The following CXCR3 variants were observed in gnomAD, a reference collection of about 807,000 sequenced individuals.
CXCR3 encodes C-X-C chemokine receptor type 3.
For synonymous variants in CXCR3, 136 were observed against 148.0 expected (o/e 0.92, Z 0.59); for missense variants, 239 against 310.2 (o/e 0.77, Z 1.72).
At position 71,618,082 on chromosome X, in the gene CXCR3, C is replaced by A. The variant is rs181068836; in HGVS notation, c.12+356G>T. ...TAGCTTGAGAAGGAATCTTCTTTAT[C>A]CCCTCACCCCCAGCACTATGGACCT... On this transcript the variant is annotated intron_variant, in intron 1 of 1. Transcript: ENST00000373693. Among the ~76,000 whole-genome samples, 305 of 106,109 alleles carry A rather than the reference C, an allele frequency of 2.9e-3. 6 individuals carry two copies. In the Admixed American group the frequency reaches 0.03, roughly 11 times the overall value. The allele number at this position is 106,109 out of a possible 115,157, so 92.1% of individuals were successfully genotyped here. A position where few individuals can be genotyped will look rare whatever the true frequency, so the allele number is the denominator to read the frequency against.
At chrX:71,617,595 G>A (rs1439830979) in intron 1 of CXCR3, 136 bp from the exon 2 acceptor site, 2 of 1,139,345 alleles carry the variant, frequency 1.8e-6, no homozygotes, top group African/African-American at 1.8e-5. Flanking sequence ...TTCCAGGGCC[G>A]TACTTCCTCA....
rs753244136 is a variant in CXCR3 at position 71,617,174 on chromosome X, T to C, written c.298A>G (p.Thr100Ala). The change falls in exon 2 of 2, where the codon ACG (threonine) becomes GCG (alanine). Residue 100 changes from threonine (T) to alanine (A), a missense_variant. Transcript: ENST00000373693. ...AGCGGCAGTGTCAGCACCAGCAGCG[T>C]GTCTGCTACAGCTAGGTGGAGCAGG... ...TFLLHLAVAD[T>A]LLVLTLPLWA... The C allele has an allele frequency of 3.7e-5, 45 of 1,206,075 alleles. No individual in the cohort carries two copies. In the Admixed American group the frequency reaches 9.9e-4, roughly 27 times the overall value.
chrX:71,617,348 G>A lies in CXCR3; in HGVS notation c.124C>T (p.Pro42Ser). The A allele has an allele frequency of 8.3e-7, 1 of 1,211,392 alleles. No individual in the cohort carries two copies. Among genetic ancestry groups the A allele is most frequent in the Non-Finnish European group, 1.1e-6 (1 of 895,330 alleles). ...TTCAGGCTGAAGTCCTGTGGGCAGGGCGGGGAGGTACAGCACGAGTCACTC... is the reference window on the plus strand; with the variant it reads ...TTCAGGCTGAAGTCCTGTGGGCAGGACGGGGAGGTACAGCACGAGTCACTC... Reference protein sequence around the residue: ...NESDSCCTSPPCPQDFSLNFD... With the variant: ...NESDSCCTSPSCPQDFSLNFD... Residue 42 changes from proline to serine, a missense_variant, in exon 2 of 2, where the codon CCC becomes TCC. Transcript: ENST00000373693.
chrX:71,616,206 G>T lies in CXCR3; in HGVS notation c.*159C>A. 1.3e-6 allele frequency: 1 copy of T among 753,400 alleles called. No homozygotes were observed. Among genetic ancestry groups the T allele is most frequent in the Non-Finnish European group, 1.8e-6 (1 of 541,300 alleles). 62.1% of individuals were successfully genotyped at this position (753,400 alleles called of 1,213,427 possible). A position where few individuals can be genotyped will look rare whatever the true frequency, so the allele number is the denominator to read the frequency against. On this transcript the variant is annotated 3_prime_UTR_variant, in exon 2 of 2. Transcript: ENST00000373693. The stretch of plus-strand genomic sequence containing the variant: ...GAGCAGCAATGGTGCAGTCCTCAGA[G>T]CTGGGAGGGTGGCTTCCCGGGAGAC...
In CXCR3 at chrX:71,616,379, A is replaced by C. The variant is rs1237681461; in HGVS notation, c.1093T>G (p.Tyr365Asp). 4.2e-6 allele frequency: 5 copies of C among 1,190,214 alleles called. No individual in the cohort carries two copies. In the African/African-American group the frequency reaches 7.0e-5, roughly 17 times the overall value. Residue 365 changes from tyrosine (Y) to aspartate (D), a missense_variant, in exon 2 of 2, where the codon TAC (tyrosine) becomes GAC (aspartate). Physicochemically the swap from Tyr to Asp is radical, Grantham distance 160. Coordinates refer to ENST00000373693, the MANE Select transcript of CXCR3 (RefSeq NM_001504.2). ...GGATTCCGGCCTCACAAGCCCGAGT[A>C]GGAGGCCTCTGAGGTCTCAGACCAG... ...SSWSETSEAS[Y>D]SGL
chrX:71,617,041 C>G lies in CXCR3; in HGVS notation c.431G>C (p.Cys144Ser). The G allele has an allele frequency of 8.3e-7, 1 of 1,205,470 alleles. No individual in the cohort carries two copies. Among genetic ancestry groups the G allele is most frequent in the Non-Finnish European group, 1.1e-6 (1 of 891,848 alleles). Residue 144 changes from cysteine (C) to serine (S), a missense_variant, in exon 2 of 2, where the codon TGC becomes TCC. Coordinates refer to ENST00000373693, the MANE Select transcript of CXCR3 (RefSeq NM_001504.2). The part of the protein sequence containing the change: ...NFYAGALLLA[C>S]ISFDRYLNIV... The stretch of plus-strand genomic sequence containing the variant: ...GTTCAGGTAGCGGTCAAAGCTGATG[C>G]AGGCCAGCAGGAGGGCTCCTGCGTA...
At chrX:71,618,141 G>T (rs901536694) in intron 1 of CXCR3, among the ~76,000 whole-genome samples, 1 of 106,179 alleles carries the variant, frequency 9.4e-6, no homozygotes, top group Non-Finnish European at 1.9e-5. Flanking sequence ...AGTCCAGCAC[G>T]CCAAGAGTCA....
chrX:71,616,973 G>A lies in CXCR3; in HGVS notation c.499C>T (p.Arg167Cys). 1 of 1,207,879 alleles carries A rather than the reference G, an allele frequency of 8.3e-7. No homozygotes were observed. The highest frequency in any genetic ancestry group is 1.1e-6 in the Non-Finnish European group (1 of 893,477). The part of the protein sequence containing the change: ...TQLYRRGPPA[R>C]VTLTCLAVWG... ...ACAGCCAGGCAGGTGAGGGTCACGC[G>A]GGCCGGGGGCCCCCGGCGGTAGAGC... Residue 167 changes from arginine (R) to cysteine (C), a missense_variant, in exon 2 of 2, where the codon CGC (arginine) becomes TGC (cysteine). Arg to Cys is a radical substitution (Grantham distance 180). Coordinates refer to ENST00000373693, the MANE Select transcript of CXCR3 (RefSeq NM_001504.2).
At position 71,616,800 on chromosome X, in the gene CXCR3, A is replaced by G. The variant is rs925284968; in HGVS notation, c.672T>C (p.Phe224=). ...AGGCCATGACCAGCAGGGGCAGCAG[A>G]AAGCCAGCCACCAGCTGCAGCACCC... ...ALRVLQLVAG[F]LLPLLVMAYC... is the part of the protein sequence containing the mutation. The change falls in exon 2 of 2, where the codon TTT becomes TTC. Residue 224 remains phenylalanine, a synonymous_variant. Transcript: ENST00000373693. The G allele has an allele frequency of 7.5e-6, 9 of 1,205,987 alleles. No homozygotes were observed. The highest frequency in any genetic ancestry group is 2.3e-4 in the Middle Eastern group (1 of 4,360).
chrX:71,618,230 CCA>C, intron 1 of CXCR3: 1 of 148,375 alleles, frequency 6.7e-6, no homozygotes, highest in Non-Finnish European at 1.1e-5. Context: ...GACACCGAAG[CCA>C]GAGAGGAGAG....
rs779428534 is a variant in CXCR3, at chrX:71,617,056, G to A, written c.416C>T (p.Ala139Val). The A allele has an allele frequency of 1.2e-5, 15 of 1,200,861 alleles. No homozygotes were observed. Among genetic ancestry groups the A allele is most frequent in the South Asian group, 1.8e-5 (1 of 55,571 alleles). The change falls in exon 2 of 2, where the codon GCC (alanine) becomes GTC (valine). Residue 139 changes from alanine (A) to valine (V), a missense_variant. Ala to Val is a moderately conservative substitution (Grantham distance 64). Transcript: ENST00000373693. Reference protein sequence around the residue: ...ALFNINFYAGALLLACISFDR... With the variant: ...ALFNINFYAGVLLLACISFDR... ...AAAGCTGATGCAGGCCAGCAGGAGG[G>A]CTCCTGCGTAGAAGTTGATGTTGAA... is the stretch of plus-strand genomic sequence containing the variant.
rs767152534 is a variant in CXCR3, at chrX:71,616,168, C to T, written c.*197G>A. On this transcript the variant is annotated 3_prime_UTR_variant, in exon 2 of 2. Transcript: ENST00000373693. ...AGCCACCTCGGGCGGCAGGATGGGG[C>T]TTGGCAGCTAAGGAGCAGCAATGGT... 41 of 521,534 alleles carry T rather than the reference C, an allele frequency of 7.9e-5. No homozygotes were observed. The highest frequency in any genetic ancestry group is 7.4e-4 in the South Asian group (15 of 20,140). The allele number at this position is 521,534 out of a possible 1,213,427, so 43.0% of individuals were successfully genotyped here.
At position 71,616,378 on chromosome X, in the gene CXCR3, T is replaced by G. The variant is rs2040846783; in HGVS notation, c.1094A>C (p.Tyr365Ser). Residue 365 changes from tyrosine to serine, a missense_variant, in exon 2 of 2, where the codon TAC (tyrosine) becomes TCC (serine). By Grantham distance (144) the Tyr-to-Ser change is moderately radical. Coordinates refer to ENST00000373693, the MANE Select transcript of CXCR3 (RefSeq NM_001504.2). ...SSWSETSEAS[Y>S]SGL is the part of the protein sequence containing the mutation. ...CGGATTCCGGCCTCACAAGCCCGAGTAGGAGGCCTCTGAGGTCTCAGACCA... is the reference window on the plus strand; with the variant it reads ...CGGATTCCGGCCTCACAAGCCCGAGGAGGAGGCCTCTGAGGTCTCAGACCA... 1 of 1,189,707 alleles carries G rather than the reference T, an allele frequency of 8.4e-7. No individual in the cohort carries two copies. Among genetic ancestry groups the G allele is most frequent in the Non-Finnish European group, 1.1e-6 (1 of 882,336 alleles).
Position 71,617,447 on chromosome X carries a change from G to C in CXCR3, c.25C>G (p.Gln9Glu). 1 of 1,211,757 alleles carries C rather than the reference G, an allele frequency of 8.3e-7. No homozygotes were observed. The highest frequency in any genetic ancestry group is 1.1e-6 in the Non-Finnish European group (1 of 895,485). MVLEVSDHQVLNDAEVAAL... is the reference protein window; with the variant it reads MVLEVSDHEVLNDAEVAAL... ...GCAACCTCGGCGTCATTTAGCACTT[G>C]GTGGTCACTCACCTGTGAGGGCGGG... Residue 9 changes from glutamine to glutamate, a missense_variant, in exon 2 of 2, where the codon CAA becomes GAA. Coordinates refer to ENST00000373693, the MANE Select transcript of CXCR3 (RefSeq NM_001504.2).
Position 71,616,887 on chromosome X carries a change from G to C in CXCR3, c.585C>G (p.Asp195Glu). 8.3e-7 allele frequency: 1 copy of C among 1,207,452 alleles called. No homozygotes were observed. The highest frequency in any genetic ancestry group is 1.1e-6 in the Non-Finnish European group (1 of 892,722). The change falls in exon 2 of 2, where the codon GAC (aspartate) becomes GAG (glutamate). Residue 195 changes from aspartate to glutamate, a missense_variant. Asp to Glu is a conservative substitution (Grantham distance 45). Transcript: ENST00000373693. The part of the protein sequence containing the change: ...PDFIFLSAHH[D>E]ERLNATHCQY... ...GGCAGTGGGTGGCGTTGAGGCGCTCGTCGTGGTGGGCCGACAGGAAGATGA... is the reference window on the plus strand; with the variant it reads ...GGCAGTGGGTGGCGTTGAGGCGCTCCTCGTGGTGGGCCGACAGGAAGATGA...
At chrX:71,618,292 C>T in intron 1 of CXCR3, 146 bp downstream of exon 1, 1 of 971,281 alleles carries the variant, frequency 1.0e-6, no homozygotes, top group Non-Finnish European at 1.4e-6. Flanking sequence ...TTCCCCAGTG[C>T]TGTTTCTGCC....
Position 71,616,290 on chromosome X carries a change from G to C in CXCR3, c.*75C>G. On this transcript the variant is annotated 3_prime_UTR_variant, in exon 2 of 2. Transcript: ENST00000373693. ...AGCGAGGATATTGGGGAGAGCCAGAGCCGGCAGAGGGAGGGAGGAGCCTGG... is the reference window on the plus strand; with the variant it reads ...AGCGAGGATATTGGGGAGAGCCAGACCCGGCAGAGGGAGGGAGGAGCCTGG... 6 of 1,109,715 alleles carry C rather than the reference G, an allele frequency of 5.4e-6. No individual in the cohort carries two copies. The highest frequency in any genetic ancestry group is 7.1e-6 in the Non-Finnish European group (6 of 842,901). The allele number at this position is 1,109,715 out of a possible 1,213,427, so 91.5% of individuals were successfully genotyped here.
At position 71,616,678 on chromosome X, in the gene CXCR3, G is replaced by T; in HGVS notation, c.794C>A (p.Ala265Asp). 1.7e-6 allele frequency: 2 copies of T among 1,211,161 alleles called. No individual in the cohort carries two copies. Among genetic ancestry groups the T allele is most frequent in the Non-Finnish European group, 2.2e-6 (2 of 895,198 alleles). Reference sequence around the variant, plus strand: ...CAGGTGATAGGGGGTCCAGCAGAGGGCAAAGGCCACCACGACCACCACCAC... The same window carrying T: ...CAGGTGATAGGGGGTCCAGCAGAGGTCAAAGGCCACCACGACCACCACCAC... Reference protein sequence around the residue: ...RLVVVVVVAFALCWTPYHLVV... With the variant: ...RLVVVVVVAFDLCWTPYHLVV... The change falls in exon 2 of 2, where the codon GCC becomes GAC. Residue 265 changes from alanine (A) to aspartate (D), a missense_variant. By Grantham distance (126) the Ala-to-Asp change is moderately radical. Transcript: ENST00000373693.
chrX:71,616,389 T>C lies in CXCR3; in HGVS notation c.1083A>G (p.Ser361=). The C allele has an allele frequency of 8.3e-7, 1 of 1,200,532 alleles. No homozygotes were observed. The highest frequency in any genetic ancestry group is 1.8e-5 in the South Asian group (1 of 55,354). ...SRRDSSWSET[S]EASYSGL ...CTCACAAGCCCGAGTAGGAGGCCTC[T>C]GAGGTCTCAGACCAGGATGAATCCC... Residue 361 remains serine, a synonymous_variant, in exon 2 of 2, where the codon TCA becomes TCG. Coordinates refer to ENST00000373693, the MANE Select transcript of CXCR3 (RefSeq NM_001504.2).
Sources: allele counts gnomAD v4.1 joint callset (sites outside exome capture counted in the v4.1 genomes callset), GRCh38; gene constraint gnomAD v4.1.1; transcripts MANE v1.5; gene names NCBI Gene and HGNC (gene_info 2026-07-23, HGNC 2026-07-21).